The following MYLK variants were observed in gnomAD, a reference collection of about 807,000 sequenced individuals.
The protein encoded by MYLK is myosin light chain kinase.
MYLK carries 106 observed loss-of-function variants against 203.4 expected under a neutral mutation model. The observed-to-expected ratio is 0.52, with a 90% confidence interval of 0.45 to 0.61. MYLK has a LOEUF of 0.61. MYLK is among the 20% of genes least tolerant of loss of function. The pLI is 0.00. For synonymous variants in MYLK, 867 were observed against 959.5 expected (o/e 0.90, Z 1.78); for missense variants, 2,072 against 2,442.3 (o/e 0.85, Z 3.20).
intron 3 of MYLK, among the ~76,000 whole-genome samples, chr3:123,800,451 C>A (rs1372129975): frequency 6.6e-6 from 1 of 152,084 alleles, no homozygotes; most frequent in Non-Finnish European, 1.5e-5. Flanking sequence ...GCAAGCCCAG[C>A]AAGCAGATGG....
At chr3:123,880,448 T>A (rs958252887) in intron 1 of MYLK, among the ~76,000 whole-genome samples, 1 of 152,090 alleles carries the variant, frequency 6.6e-6, no homozygotes, top group Non-Finnish European at 1.5e-5. Context: ...TAGCATCAGA[T>A]CTGAGCGCCC....
At chr3:123,678,610 G>C (rs2060153588) in intron 20 of MYLK, among the ~76,000 whole-genome samples, 1 of 151,846 alleles carries the variant, frequency 6.6e-6, no homozygotes, top group Non-Finnish European at 1.5e-5. Flanking sequence ...TTCCCTCTTA[G>C]ACTAGGTACT....
At chr3:123,682,125 G>A (rs2060286395) in intron 20 of MYLK, 99 bp downstream of exon 20, 1 of 904,300 alleles carries the variant, frequency 1.1e-6, no homozygotes, top group Non-Finnish European at 1.8e-6. Context: ...TCAGGCAAGA[G>A]TGAGTGACCA....
intron 3 of MYLK, among the ~76,000 whole-genome samples, chr3:123,802,759 C>A (rs930239506): frequency 6.6e-6 from 1 of 152,186 alleles, no homozygotes; most frequent in Non-Finnish European, 1.5e-5. Flanking sequence ...TTCTGCGATA[C>A]AAGTCATATG....
intron 19 of MYLK, among the ~76,000 whole-genome samples, chr3:123,689,288 T>C (rs982739753): frequency 6.6e-6 from 1 of 152,136 alleles, no homozygotes; most frequent in African/African-American, 2.4e-5. Flanking sequence ...TAGGAAGGAC[T>C]TAGTTTCCTC....
Position 123,647,324 on chromosome 3 carries a change from G to A in MYLK, c.4519C>T (p.Arg1507Trp), listed in dbSNP as rs142010566. 9.3e-6 allele frequency: 15 copies of A among 1,614,136 alleles called. No homozygotes were observed. The highest frequency in any genetic ancestry group is 2.7e-5 in the African/African-American group (2 of 75,032). The change falls in exon 27 of 34, where the codon CGG becomes TGG. Residue 1507 changes from arginine (R) to tryptophan (W), a missense_variant. Arg to Trp is a moderately radical substitution (Grantham distance 101, BLOSUM62 -3). This residue lies in a region of MYLK where 524 missense variants were observed against 782.4 expected (regional missense o/e 0.67). Coordinates refer to ENST00000360304, the MANE Select transcript of MYLK (RefSeq NM_053025.4). ...AYSAKEKENI[R>W]QEISIMNCLH... Reference sequence around the variant, plus strand: ...CAGTTCATGATGCTAATCTCCTGCCGGATATTCTCTTTCTCTTTTGCTGAA... The same window carrying A: ...CAGTTCATGATGCTAATCTCCTGCCAGATATTCTCTTTCTCTTTTGCTGAA...
intron 20 of MYLK, among the ~76,000 whole-genome samples, chr3:123,673,758 C>T (rs752014290): frequency 2.0e-4 from 31 of 152,284 alleles, no homozygotes; most frequent in Admixed American, 4.6e-4. Context: ...CTCTGACACC[C>T]TAAACTTTGT....
intron 23 of MYLK, among the ~76,000 whole-genome samples, chr3:123,657,645 G>A (rs2059431863): frequency 6.6e-6 from 1 of 152,152 alleles, no homozygotes; most frequent in Non-Finnish European, 1.5e-5. Flanking sequence ...CTCCAAAAAA[G>A]GCCCCCTCGC....
At chr3:123,726,317 C>CAT (rs1560136822) in intron 11 of MYLK, among the ~76,000 whole-genome samples, 39 of 152,116 alleles carry the variant, frequency 2.6e-4, no homozygotes, top group African/African-American at 8.7e-4. Context: ...AACACCCTAG[C>CAT]CCTGGGGTGC....
At position 123,863,541 on chromosome 3, in the gene MYLK, C is replaced by T. The variant is rs552396392; in HGVS notation, c.-127+13018G>A. ...AAGACAATTCAAATTTTTAAATGGG[C>T]AAAATACTTGAATAATATTTCAAAA... On this transcript the variant is annotated intron_variant, in intron 2 of 33. Coordinates refer to ENST00000360304, the MANE Select transcript of MYLK (RefSeq NM_053025.4). 6.2e-4 allele frequency among the ~76,000 whole-genome samples: 94 copies of T among 151,972 alleles called. 3 individuals carry two copies. In the South Asian group the frequency reaches 0.018, roughly 29 times the overall value.
chr3:123,802,520 C>CAGA (rs1560237294), intron 3 of MYLK, among the ~76,000 whole-genome samples: 1 of 152,252 alleles, frequency 6.6e-6, no homozygotes, highest in Non-Finnish European at 1.5e-5. Context: ...CTCAGCAACA[C>CAGA]AACCCTGGTG....
At chr3:123,755,470 GA>G (rs1325116385) in intron 4 of MYLK, among the ~76,000 whole-genome samples, 2 of 152,168 alleles carry the variant, frequency 1.3e-5, no homozygotes, top group Non-Finnish European at 2.9e-5. Context: ...CATCACTTAA[GA>G]AAGTTGCAGT....
intron 2 of MYLK, among the ~76,000 whole-genome samples, chr3:123,859,045 G>A (rs1391628737): frequency 6.6e-6 from 1 of 152,172 alleles, no homozygotes; most frequent in Non-Finnish European, 1.5e-5. Flanking sequence ...TAAAAGATCT[G>A]TTTCTGTGAA....
intron 19 of MYLK, among the ~76,000 whole-genome samples, chr3:123,687,038 A>G (rs1006534017): frequency 6.6e-6 from 1 of 152,110 alleles, no homozygotes; most frequent in Non-Finnish European, 1.5e-5. Flanking sequence ...ACTGGCCAAC[A>G]TGGTGAAACC....
At chr3:123,721,136 A>C (rs1386516660) in intron 13 of MYLK, among the ~76,000 whole-genome samples, 2 of 152,220 alleles carry the variant, frequency 1.3e-5, no homozygotes, top group Admixed American at 6.5e-5. Context: ...AGTAAGCCAC[A>C]AATGTTTCTT....
chr3:123,709,879 T>C lies in MYLK; in HGVS notation c.1819A>G (p.Arg607Gly). ...ACAGGCAGAAGGTACTCACTCTTCC[T>C]GCTACTCTTCTTTTCTGTGTGGTAG... ...WVTVHEKKSSRKSEYLLPVAP... is the reference protein window; with the variant it reads ...WVTVHEKKSSGKSEYLLPVAP... The change falls in exon 14 of 34, where the codon AGG (arginine) becomes GGG (glycine). Residue 607 changes from arginine (R) to glycine (G), a missense_variant. By Grantham distance (125) the Arg-to-Gly change is moderately radical. Coordinates refer to ENST00000360304, the MANE Select transcript of MYLK (RefSeq NM_053025.4). 6.2e-7 allele frequency: 1 copy of C among 1,614,170 alleles called. No homozygotes were observed. The highest frequency in any genetic ancestry group is 8.5e-7 in the Non-Finnish European group (1 of 1,180,022).
intron 3 of MYLK, among the ~76,000 whole-genome samples, chr3:123,820,656 TTCCTTCCC>T (rs2065901383): frequency 2.2e-5 from 3 of 136,576 alleles, no homozygotes; most frequent in African/African-American, 7.7e-5. Flanking sequence ...CCTTCCTTCC[TTCCTTCCC>T]TCCTTCCTTC....
intron 3 of MYLK, among the ~76,000 whole-genome samples, chr3:123,831,178 A>G (rs2066312958): frequency 6.6e-6 from 1 of 152,210 alleles, no homozygotes; most frequent in Admixed American, 6.5e-5. Flanking sequence ...ATCCTGGAGC[A>G]GCAGGAGGAG....
intron 3 of MYLK, among the ~76,000 whole-genome samples, chr3:123,825,403 T>C (rs55776430): frequency 0.013 from 1,969 of 152,236 alleles, 47 homozygotes; most frequent in African/African-American, 0.045. Flanking sequence ...GAGAGACTTC[T>C]TGTTGCAAGG....
Sources: allele counts gnomAD v4.1 joint callset (sites outside exome capture counted in the v4.1 genomes callset), GRCh38; gene constraint gnomAD v4.1.1; regional missense constraint gnomAD v4.1.1; transcripts MANE v1.5; gene names NCBI Gene and HGNC (gene_info 2026-07-23, HGNC 2026-07-21).